The following CATSPERD variants were observed in gnomAD, a reference collection of about 807,000 sequenced individuals.
The protein encoded by CATSPERD is cation channel sperm-associated auxiliary subunit delta.
A neutral mutation model predicts 98.1 loss-of-function variants in CATSPERD; 86 were observed. That is an observed-to-expected ratio of 0.88 (90% confidence interval 0.74 to 1.05). The LOEUF (loss-of-function observed/expected upper bound fraction) is 1.05. CATSPERD is among the 50% of genes least tolerant of loss of function. The pLI, the probability that CATSPERD is intolerant of heterozygous loss-of-function variation, is 0.00. For missense variants in CATSPERD, 995 were observed against 1,005.7 expected (o/e 0.99, Z 0.14); for synonymous variants, 394 against 390.2 (o/e 1.01, Z -0.12).
intron 15 of CATSPERD, among the ~76,000 whole-genome samples, chr19:5,761,654 GAA>G (rs1491506334): frequency 1.7e-4 from 2 of 11,864 alleles, no homozygotes; most frequent in South Asian, 2.3e-3. Flanking sequence ...CATGGCGGCA[GAA>G]GAGAGAGAGA....
intron 21 of CATSPERD, 67 bp from the exon 22 acceptor site, chr19:5,778,309 C>T: frequency 6.9e-7 from 1 of 1,457,332 alleles, no homozygotes; most frequent in Non-Finnish European, 9.4e-7. Flanking sequence ...AACACCTTTG[C>T]CAGAGATAAG....
chr19:5,754,387 CTG>C, intron 13 of CATSPERD, 142 bp downstream of exon 13: 1 of 381,784 alleles, frequency 2.6e-6, no homozygotes, highest in Non-Finnish European at 4.9e-6. Context: ...GAAATTGTCT[CTG>C]TGTCTTTTTT....
chr19:5,723,160 C>A (rs899014570), intron 1 of CATSPERD, among the ~76,000 whole-genome samples: 1 of 141,342 alleles, frequency 7.1e-6, no homozygotes, highest in Admixed American at 7.4e-5. Flanking sequence ...GCACTCCAGC[C>A]TGGGCGACGG....
At chr19:5,741,183 G>T (rs2055956601) in intron 7 of CATSPERD, among the ~76,000 whole-genome samples, 1 of 152,090 alleles carries the variant, frequency 6.6e-6, no homozygotes, top group African/African-American at 2.4e-5. Flanking sequence ...GGTACTATCA[G>T]GTTCATCATC....
At chr19:5,777,109 C>T (rs567016476) in intron 21 of CATSPERD, among the ~76,000 whole-genome samples, 1 of 152,120 alleles carries the variant, frequency 6.6e-6, no homozygotes, top group East Asian at 1.9e-4. Flanking sequence ...GGAAGGGGGA[C>T]ACCAGGTGGA....
chr19:5,722,622 A>C (rs1314421837), intron 1 of CATSPERD, among the ~76,000 whole-genome samples: 1 of 152,110 alleles, frequency 6.6e-6, no homozygotes, highest in Non-Finnish European at 1.5e-5. Flanking sequence ...CTGGACCAGC[A>C]GCATCAAGAT....
chr19:5,743,788 A>G (rs1020908510), intron 7 of CATSPERD, among the ~76,000 whole-genome samples: 5 of 151,538 alleles, frequency 3.3e-5, no homozygotes, highest in African/African-American at 1.2e-4. Context: ...CACTATCCCT[A>G]GGTGGGGCCC....
In CATSPERD at chr19:5,778,537, G is replaced by C. The variant is rs532197714; in HGVS notation, c.2258G>C (p.Arg753Pro). The C allele has an allele frequency of 6.2e-7, 1 of 1,613,966 alleles. No homozygotes were observed. The highest frequency in any genetic ancestry group is 8.5e-7 in the Non-Finnish European group (1 of 1,180,030). Reference sequence around the variant, plus strand: ...AAGCTGCTACGCACAGCACGCGGCCGCAGGATCAAGAAGTGTGCGACACAG... The same window carrying C: ...AAGCTGCTACGCACAGCACGCGGCCCCAGGATCAAGAAGTGTGCGACACAG... The part of the protein sequence containing the change: ...TPKLLRTARG[R>P]RIKKCATQLC... The change falls in exon 22 of 22, where the codon CGC becomes CCC. Residue 753 changes from arginine to proline, a missense_variant. Coordinates refer to ENST00000381624, the MANE Select transcript of CATSPERD (RefSeq NM_152784.4).
intron 6 of CATSPERD, among the ~76,000 whole-genome samples, chr19:5,739,079 G>A (rs2055905309): frequency 3.3e-5 from 5 of 151,866 alleles, no homozygotes; most frequent in Non-Finnish European, 1.5e-5. Flanking sequence ...TGGCCAAGCT[G>A]GTCTTGAACT....
At chr19:5,738,626 C>T (rs1436836908) in intron 6 of CATSPERD, among the ~76,000 whole-genome samples, 1 of 152,160 alleles carries the variant, frequency 6.6e-6, no homozygotes, top group East Asian at 1.9e-4. Flanking sequence ...GACTGTCACC[C>T]AGGGTAGAGT....
intron 7 of CATSPERD, among the ~76,000 whole-genome samples, chr19:5,742,732 TG>T (rs1206676317): frequency 6.6e-6 from 1 of 151,786 alleles, no homozygotes; most frequent in African/African-American, 2.4e-5. Flanking sequence ...GACGCTACAG[TG>T]GGGTGTGATC....
At chr19:5,729,982 T>C (rs2055683146) in intron 4 of CATSPERD, 38 bp downstream of exon 4, 3 of 1,160,868 alleles carry the variant, frequency 2.6e-6, no homozygotes, top group East Asian at 4.8e-5. Flanking sequence ...GATGCTAGTA[T>C]AAGTAATATT....
chr19:5,769,773 A>AT (rs752442213), intron 18 of CATSPERD, among the ~76,000 whole-genome samples: 1 of 152,108 alleles, frequency 6.6e-6, no homozygotes, highest in Non-Finnish European at 1.5e-5. Flanking sequence ...AAACTGGGTA[A>AT]TTTATTAGTT....
rs754992369 is a variant in CATSPERD, at chr19:5,768,244, T to C, written c.1634+2T>C. The C allele has an allele frequency of 6.2e-7, 1 of 1,611,196 alleles. No homozygotes were observed. Among genetic ancestry groups the C allele is most frequent in the Non-Finnish European group, 8.5e-7 (1 of 1,177,664 alleles). On this transcript the variant is annotated splice_donor_variant, in intron 18 of 21. Coordinates refer to ENST00000381624, the MANE Select transcript of CATSPERD (RefSeq NM_152784.4). LOFTEE classifies it high-confidence loss of function. Reference sequence around the variant, plus strand: ...CAATTACAGCTTCATCATCGAGAAGTAAGCCAGCGTCCCCCCGCAACACCT... The same window carrying C: ...CAATTACAGCTTCATCATCGAGAAGCAAGCCAGCGTCCCCCCGCAACACCT...
At chr19:5,771,106 C>A (rs529543001) in intron 19 of CATSPERD, 34 bp downstream of exon 19, 1 of 1,600,402 alleles carries the variant, frequency 6.2e-7, no homozygotes, top group East Asian at 2.2e-5. Flanking sequence ...AGGGTGGGGA[C>A]GGTGGCAGGG....
chr19:5,773,832 G>A (rs951593939), intron 20 of CATSPERD, among the ~76,000 whole-genome samples: 1 of 151,802 alleles, frequency 6.6e-6, no homozygotes, highest in Non-Finnish European at 1.5e-5. Context: ...TCTATCATAC[G>A]AGTGATGTCC....
At chr19:5,760,398 C>CA (rs71172763) in intron 15 of CATSPERD, among the ~76,000 whole-genome samples, 71,656 of 138,638 alleles carry the variant, frequency 0.52, 20,696 homozygotes, top group Non-Finnish European at 0.65. Flanking sequence ...AACTCGTTCT[C>CA]AAAAAAAAAA....
At chr19:5,766,590 T>C (rs1025670588) in intron 17 of CATSPERD, among the ~76,000 whole-genome samples, 3 of 152,110 alleles carry the variant, frequency 2.0e-5, no homozygotes, top group African/African-American at 7.2e-5. Flanking sequence ...TTTAGTTTTG[T>C]ATATATTTAC....
chr19:5,729,831 G>GT, intron 3 of CATSPERD, 41 bp from the exon 4 acceptor site: 1 of 1,247,722 alleles, frequency 8.0e-7, no homozygotes, highest in African/African-American at 1.5e-5. Flanking sequence ...CTTTCCTTGT[G>GT]TGACATTATC....
Sources: allele counts gnomAD v4.1 joint callset (sites outside exome capture counted in the v4.1 genomes callset), GRCh38; gene constraint gnomAD v4.1.1; transcripts MANE v1.5; gene names NCBI Gene and HGNC (gene_info 2026-07-23, HGNC 2026-07-21).